Variants in CASD1 observed in about 807,000 individuals in gnomAD.
CASD1 encodes N-acetylneuraminate (7)9-O-acetyltransferase.
In CASD1, 41 loss-of-function variants were observed where a neutral mutation model predicts 100.0. The observed-to-expected ratio is 0.41, with a 90% CI of 0.32 to 0.53. The LOEUF (loss-of-function observed/expected upper bound fraction) is 0.53, where lower values mean the gene tolerates loss of function less well. Among genes scored for constraint, CASD1 ranks in the 20% least tolerant of loss-of-function variants. The probability of loss-of-function intolerance (pLI) is 0.25; values close to 1 mark genes in which losing one functional copy is unlikely to be tolerated. For synonymous variants in CASD1, 321 were observed against 315.6 expected (o/e 1.02, Z -0.18); for missense variants, 774 against 948.7 (o/e 0.82, Z 2.42).
chr7:94,529,700 G>A (rs1794753213), intron 5 of CASD1, among the ~76,000 whole-genome samples: 1 of 152,094 alleles, frequency 6.6e-6, no homozygotes, highest in Non-Finnish European at 1.5e-5. Flanking sequence ...CAAGGAATTT[G>A]CAATCTAGTA....
chr7:94,600,289 C>T, the CASD1 span: 2 of 238,496 alleles, frequency 8.4e-6, no homozygotes, highest in African/African-American at 2.3e-5. Context: ...ATCAAACTAA[C>T]ACAATTTTTT....
chr7:94,522,814 C>A (rs920084426), intron 3 of CASD1, among the ~76,000 whole-genome samples: 13 of 151,968 alleles, frequency 8.6e-5, no homozygotes, highest in African/African-American at 3.1e-4. Flanking sequence ...CCTGCCACCA[C>A]GCCCAGCTAA....
the CASD1 span, among the ~76,000 whole-genome samples, chr7:94,566,021 C>G: frequency 6.6e-6 from 1 of 152,102 alleles, no homozygotes; most frequent in Non-Finnish European, 1.5e-5. Flanking sequence ...AATGAGCTGG[C>G]TCTAGTACCG....
At chr7:94,566,463 G>GA in the CASD1 span, among the ~76,000 whole-genome samples, 39,966 of 147,834 alleles carry the variant, frequency 0.27, 8,188 homozygotes, top group African/African-American at 0.58. Flanking sequence ...GAGTCAAATT[G>GA]AAAAAAAAAA....
At chr7:94,524,653 T>G (rs1282615583) in intron 3 of CASD1, among the ~76,000 whole-genome samples, 1 of 152,148 alleles carries the variant, frequency 6.6e-6, no homozygotes, top group Non-Finnish European at 1.5e-5. Context: ...TTCTTACTCT[T>G]TTGTTAAGAG....
chr7:94,625,467 A>T, the CASD1 span: 2 of 152,050 alleles, frequency 1.3e-5, no homozygotes, highest in African/African-American at 4.8e-5. Context: ...AAACCATCCC[A>T]GTACATGTGT....
At chr7:94,623,921 A>G in the CASD1 span, 6 of 366,200 alleles carry the variant, frequency 1.6e-5, no homozygotes, top group African/African-American at 4.2e-5. Context: ...GGAGTAAAGT[A>G]GTAAGGATCA....
intron 1 of CASD1, among the ~76,000 whole-genome samples, chr7:94,514,778 T>G (rs1369940650): frequency 6.6e-6 from 1 of 151,810 alleles, no homozygotes; most frequent in Admixed American, 6.6e-5. Context: ...AGTTTCTTTG[T>G]GTGTGTGTGT....
chr7:94,628,413 C>T, the CASD1 span: 5 of 1,446,604 alleles, frequency 3.5e-6, no homozygotes, highest in Admixed American at 8.6e-5. Context: ...ACACATGTTG[C>T]TTTGGTAGTT....
the CASD1 span, among the ~76,000 whole-genome samples, chr7:94,583,482 A>G: frequency 6.6e-6 from 1 of 152,174 alleles, no homozygotes; most frequent in Non-Finnish European, 1.5e-5. Context: ...TAAAGAACCA[A>G]TTTATAGACA....
chr7:94,599,712 T>C, the CASD1 span: 2 of 1,608,716 alleles, frequency 1.2e-6, no homozygotes, highest in Non-Finnish European at 1.7e-6. Flanking sequence ...TGTTTGCATG[T>C]TTCTCTTTTC....
intron 10 of CASD1, among the ~76,000 whole-genome samples, chr7:94,539,693 G>A (rs1477620605): frequency 2.6e-5 from 4 of 150,968 alleles, no homozygotes; most frequent in Non-Finnish European, 4.4e-5. Flanking sequence ...AAGAAAAAAG[G>A]AAACTTTGAA....
chr7:94,563,121 A>G, the CASD1 span, among the ~76,000 whole-genome samples: 471 of 152,272 alleles, frequency 3.1e-3, 3 homozygotes, highest in African/African-American at 0.01. Flanking sequence ...TGAATCTCCA[A>G]TGATGTATGA....
chr7:94,597,520 T>C, the CASD1 span: 2 of 152,050 alleles, frequency 1.3e-5, no homozygotes, highest in African/African-American at 4.8e-5. Context: ...TTTAATATTA[T>C]ATCCTAAGGG....
chr7:94,610,804 C>T, the CASD1 span, among the ~76,000 whole-genome samples: 1 of 151,912 alleles, frequency 6.6e-6, no homozygotes, highest in Non-Finnish European at 1.5e-5. Flanking sequence ...ACAACTTAAT[C>T]AAAAAATGAA....
rs1379436313 is a variant in CASD1, at chr7:94,552,063, AAATGT to A, written c.1957-279_1957-275del. 8.1e-5 allele frequency: 23 copies of A among 282,516 alleles called. 1 individual carries two copies. The highest frequency in any genetic ancestry group is 4.0e-4 in the African/African-American group (18 of 45,330). The allele number at this position is 282,516 out of a possible 1,614,324, so 17.5% of individuals were successfully genotyped here. On this transcript the variant is annotated intron_variant, in intron 15 of 17. Coordinates refer to ENST00000297273, the MANE Select transcript of CASD1 (RefSeq NM_022900.5). Reference sequence around the variant, plus strand: ...TAAAAGTTACAATAAATTTGGGATAAAATGTAATGTAAGGTGTTTCATATGGAGAG... The same window carrying A: ...TAAAAGTTACAATAAATTTGGGATAAAATGTAAGGTGTTTCATATGGAGAG...
At chr7:94,552,125 A>G (rs1795979423) in intron 15 of CASD1, 2 of 456,784 alleles carry the variant, frequency 4.4e-6, no homozygotes, top group African/African-American at 2.1e-5. Flanking sequence ...TGTTTCCAGA[A>G]AAGCACAGAC....
At chr7:94,616,074 G>A in the CASD1 span, among the ~76,000 whole-genome samples, 2 of 152,158 alleles carry the variant, frequency 1.3e-5, no homozygotes, top group Admixed American at 6.6e-5. Flanking sequence ...TTTAGGAGAA[G>A]TTTGAAAGCT....
In CASD1 at chr7:94,551,394, A is replaced by C; in HGVS notation, c.1872A>C (p.Gln624His). The change falls in exon 15 of 18, where the codon CAA becomes CAC. Residue 624 changes from glutamine (Q) to histidine (H), a missense_variant. Coordinates refer to ENST00000297273, the MANE Select transcript of CASD1 (RefSeq NM_022900.5). ...TTTATCTGGCTTTGCAGAAGCGTCA[A>C]ATACTTTCTGAAGGAAAGGGTGAAC... ...AFIYLALQKR[Q>H]ILSEGKGEPL... 1 of 1,561,484 alleles carries C rather than the reference A, an allele frequency of 6.4e-7. No individual in the cohort carries two copies. Among genetic ancestry groups the C allele is most frequent in the Non-Finnish European group, 8.6e-7 (1 of 1,160,900 alleles).
Sources: allele counts gnomAD v4.1 joint callset (sites outside exome capture counted in the v4.1 genomes callset), GRCh38; gene constraint gnomAD v4.1.1; transcripts MANE v1.5; gene names NCBI Gene and HGNC (gene_info 2026-07-23, HGNC 2026-07-21).